POLN: variants seen among roughly 807,000 people sequenced by gnomAD.
POLN encodes DNA polymerase nu.
In POLN, 108 loss-of-function variants were observed where a neutral mutation model predicts 113.5. That is an observed-to-expected ratio of 0.95 (90% CI 0.81 to 1.12). The LOEUF (loss-of-function observed/expected upper bound fraction) is 1.12, where lower values mean the gene tolerates loss of function less well. Among genes scored for constraint, POLN ranks in the 50% most tolerant of loss-of-function variants. POLN has a pLI of 0.00. For synonymous variants in POLN, 386 were observed against 391.5 expected, an observed-to-expected ratio of 0.99 and a Z score of 0.17; for missense variants, 1,097 against 1,077.1, an observed-to-expected ratio of 1.02 and a Z score of -0.26.
rs900387090 is a variant in POLN, at chr4:2,121,381, G to A, written c.1982+6732C>T. On this transcript the variant is annotated intron_variant, in intron 19 of 25. Transcript: ENST00000511885. ...ACCTGGGAAGCGGAGGTTGCAGTGA[G>A]CCAAGATTGCGCCACTACACTCCAG... is the stretch of plus-strand genomic sequence containing the variant. 2.0e-5 allele frequency among the ~76,000 whole-genome samples: 3 copies of A among 150,694 alleles called. No homozygotes were observed. In the East Asian group the frequency reaches 5.9e-4, roughly 29 times the overall value.
At chr4:2,084,625 G>A (rs557221224) in intron 21 of POLN, among the ~76,000 whole-genome samples, 5 of 152,360 alleles carry the variant, frequency 3.3e-5, no homozygotes, top group South Asian at 2.1e-4. Context: ...TGGAGCTCTC[G>A]GGGCTTGGGC....
intron 7 of POLN, among the ~76,000 whole-genome samples, chr4:2,187,081 G>A (rs1733294006): frequency 6.6e-6 from 1 of 152,134 alleles, no homozygotes; most frequent in Non-Finnish European, 1.5e-5. Context: ...AAAAAGAAAA[G>A]AGAGAAGAGA....
At chr4:2,153,635 G>A (rs1297894559) in intron 16 of POLN, among the ~76,000 whole-genome samples, 1 of 151,340 alleles carries the variant, frequency 6.6e-6, no homozygotes, top group Non-Finnish European at 1.5e-5. Context: ...CCAGGCTGGA[G>A]TGCAGTGGCG....
At chr4:2,198,743 A>C (rs893697566) in intron 5 of POLN, 26 bp from the exon 6 acceptor site, 5 of 1,558,374 alleles carry the variant, frequency 3.2e-6, no homozygotes, top group East Asian at 2.3e-5. Flanking sequence ...AAAATAAATT[A>C]AACCCAGACA....
Position 2,109,571 on chromosome 4 carries a change from G to A in POLN, c.1983-13638C>T, listed in dbSNP as rs114393284. Among the ~76,000 whole-genome samples the A allele has an allele frequency of 6.3e-3, 953 of 152,222 alleles. 7 individuals carry two copies. Among genetic ancestry groups the A allele is most frequent in the African/African-American group, 0.022 (909 of 41,514 alleles). ...GTATTTTAAAGTTGTTTTAATAGGT[G>A]TATTAAAATTTAGGATTACTATATC... On this transcript the variant is annotated intron_variant, in intron 19 of 25. Transcript: ENST00000511885.
intron 2 of POLN, chr4:2,231,347 T>C (rs1489202920): frequency 6.6e-6 from 1 of 152,324 alleles, no homozygotes; most frequent in African/African-American, 2.4e-5. Context: ...ATGCCTGTAA[T>C]TCCGGCACTT....
In POLN at chr4:2,126,447, T is replaced by A. The variant is rs1561015370; in HGVS notation, c.1982+1666A>T. On this transcript the variant is annotated intron_variant, in intron 19 of 25. Coordinates refer to ENST00000511885, the MANE Select transcript of POLN (RefSeq NM_181808.4). This position sits in a 1 kb window ranked among gnomAD's most constrained non-coding sequence, Gnocchi z 4.6. ...AAATCCTTTGTGAGTCCCCACCCTT[T>A]GTGGAGCACAGTAGGGACGAGGGTG... is the stretch of plus-strand genomic sequence containing the variant. 6.6e-6 allele frequency among the ~76,000 whole-genome samples: 1 copy of A among 152,238 alleles called. No individual in the cohort carries two copies. Among genetic ancestry groups the A allele is most frequent in the Non-Finnish European group, 1.5e-5 (1 of 68,040 alleles).
chr4:2,097,609 A>G (rs1730826090), intron 19 of POLN, among the ~76,000 whole-genome samples: 1 of 150,080 alleles, frequency 6.7e-6, no homozygotes, highest in Non-Finnish European at 1.5e-5. Flanking sequence ...TGGCCTCCCA[A>G]AGTGCTGGGA....
intron 6 of POLN, among the ~76,000 whole-genome samples, chr4:2,194,935 T>C (rs1459661000): frequency 6.6e-6 from 1 of 152,004 alleles, no homozygotes; most frequent in Non-Finnish European, 1.5e-5. Context: ...TGTATATACA[T>C]GCACACATAC....
intron 5 of POLN, 35 bp downstream of exon 5, chr4:2,207,952 C>A: frequency 6.5e-7 from 1 of 1,546,512 alleles, no homozygotes; most frequent in South Asian, 1.3e-5. Context: ...TTTATGGTGT[C>A]AAGACAGCAA....
rs1464202507 is a variant in POLN, at chr4:2,199,673, T to C, written c.715-956A>G. On this transcript the variant is annotated intron_variant, in intron 5 of 25. Transcript: ENST00000511885. Reference sequence around the variant, plus strand: ...CTCACCACAACCTCCACCTCCCAGGTTCAAGCAATTCTCCTGACTCAGCCT... The same window carrying C: ...CTCACCACAACCTCCACCTCCCAGGCTCAAGCAATTCTCCTGACTCAGCCT... Among the ~76,000 whole-genome samples the C allele has an allele frequency of 2.0e-5, 3 of 152,160 alleles. No homozygotes were observed. In the East Asian group the frequency reaches 5.8e-4, roughly 29 times the overall value.
At position 2,156,947 on chromosome 4, in the gene POLN, C is replaced by T. The variant is rs1462965991; in HGVS notation, c.1666-94G>A. The T allele has an allele frequency of 9.7e-6, 10 of 1,027,384 alleles. 1 individual carries two copies. Among genetic ancestry groups the T allele is most frequent in the South Asian group, 2.7e-5 (2 of 75,184 alleles). 63.6% of individuals were successfully genotyped at this position (1,027,384 alleles called of 1,614,324 possible). A position where few individuals can be genotyped will look rare whatever the true frequency, so the allele number is the denominator to read the frequency against. On this transcript the variant is annotated intron_variant, in intron 15 of 25. Transcript: ENST00000511885. ...CTCCACTCACAACATGCAACACTCG[C>T]TGCTCCTCCAGAGGCCAACAAGCTG...
chr4:2,091,800 TGC>T (rs1553893099), intron 20 of POLN, among the ~76,000 whole-genome samples: 1 of 144,848 alleles, frequency 6.9e-6, no homozygotes, highest in African/African-American at 2.5e-5. Context: ...TGTGTGTGTG[TGC>T]GCGCGCTACA....
At chr4:2,083,929 G>T (rs1730491006) in intron 21 of POLN, among the ~76,000 whole-genome samples, 1 of 152,232 alleles carries the variant, frequency 6.6e-6, no homozygotes, top group Non-Finnish European at 1.5e-5. Flanking sequence ...ACATTGCAGG[G>T]CCTCTCCCAG....
intron 2 of POLN, chr4:2,232,038 T>C (rs1322691084): frequency 6.6e-7 from 1 of 1,522,200 alleles, no homozygotes; most frequent in African/African-American, 1.4e-5. Flanking sequence ...CTCTTTCCAT[T>C]TGATGTAATT....
chr4:2,215,771 G>A (rs149115899), intron 3 of POLN, among the ~76,000 whole-genome samples: 51 of 152,264 alleles, frequency 3.3e-4, no homozygotes, highest in African/African-American at 1.2e-3. Context: ...GGATTCTGGC[G>A]GGCCTTTTCC....
At chr4:2,152,611 A>C (rs982372726) in intron 16 of POLN, among the ~76,000 whole-genome samples, 1 of 152,112 alleles carries the variant, frequency 6.6e-6, no homozygotes, top group African/African-American at 2.4e-5. Flanking sequence ...AAAAAAAAGT[A>C]ACTGAAATTC....
chr4:2,193,089 T>C (rs1733490515), intron 7 of POLN, 115 bp downstream of exon 7: 1 of 740,616 alleles, frequency 1.4e-6, no homozygotes, highest in African/African-American at 1.9e-5. Context: ...TATCAGTCTG[T>C]GTGGCCAGGT....
rs760487170 is a variant in POLN at position 2,080,946 on chromosome 4, C to T, written c.2387+12G>A. The T allele has an allele frequency of 1.2e-6, 2 of 1,613,882 alleles. No homozygotes were observed. The highest frequency in any genetic ancestry group is 2.2e-5 in the South Asian group (2 of 91,088). The stretch of plus-strand genomic sequence containing the variant: ...CTCCCATCCAAGCCCTGGGAGACCA[C>T]CACCCACTGACCTGGCCGTCAAGGT... On this transcript the variant is annotated intron_variant, in intron 23 of 25. Coordinates refer to ENST00000511885, the MANE Select transcript of POLN (RefSeq NM_181808.4).
Sources: allele counts gnomAD v4.1 joint callset (sites outside exome capture counted in the v4.1 genomes callset), GRCh38; gene constraint gnomAD v4.1.1; non-coding constraint Gnocchi (gnomAD v3.1); transcripts MANE v1.5; gene names NCBI Gene and HGNC (gene_info 2026-07-23, HGNC 2026-07-21).